The following NELL2 variants were observed in gnomAD, a reference collection of about 807,000 sequenced individuals.
NELL2 encodes the protein neural EGFL like 2.
A neutral mutation model predicts 109.6 loss-of-function variants in NELL2; 41 were observed. That is an observed-to-expected ratio of 0.37 (90% CI 0.29 to 0.49). The LOEUF (loss-of-function observed/expected upper bound fraction) is 0.49. Among genes scored for constraint, NELL2 ranks in the 20% least tolerant of loss-of-function variants. The pLI is 0.98. For missense variants in NELL2, 900 were observed against 1,008.3 expected, an observed-to-expected ratio of 0.89 and a Z score of 1.45; for synonymous variants, 355 against 344.7, an observed-to-expected ratio of 1.03 and a Z score of -0.33.
chr12:44,580,296 TG>T (rs1310768445), intron 15 of NELL2, among the ~76,000 whole-genome samples: 1 of 152,134 alleles, frequency 6.6e-6, no homozygotes, highest in African/African-American at 2.4e-5. Flanking sequence ...GAAAAAATGG[TG>T]TCTGTTGAGA....
At chr12:44,791,213 TATA>T in intron 3 of NELL2, among the ~76,000 whole-genome samples, 1 of 83,414 alleles carries the variant, frequency 1.2e-5, no homozygotes, top group Non-Finnish European at 2.5e-5. Context: ...TATATATATA[TATA>T]TATATATATA....
chr12:44,792,066 C>T (rs1010845258), intron 3 of NELL2, among the ~76,000 whole-genome samples: 7 of 151,972 alleles, frequency 4.6e-5, no homozygotes, highest in South Asian at 2.1e-4. Context: ...AGCCTCGTGA[C>T]GAGGATGGTG....
At chr12:44,614,172 T>C (rs1945732837) in intron 13 of NELL2, among the ~76,000 whole-genome samples, 1 of 152,030 alleles carries the variant, frequency 6.6e-6, no homozygotes, top group African/African-American at 2.4e-5. Context: ...TCATTGTTTA[T>C]ATGATATGAC....
intron 3 of NELL2, 140 bp downstream of exon 3, chr12:44,815,846 T>G (rs1943327054): frequency 1.2e-6 from 1 of 847,926 alleles, no homozygotes; most frequent in African/African-American, 1.8e-5. Context: ...CTTGAACTCC[T>G]GACCTCGTGA....
intron 12 of NELL2, among the ~76,000 whole-genome samples, chr12:44,685,347 A>G (rs1226054995): frequency 6.6e-6 from 1 of 152,014 alleles, no homozygotes; most frequent in Non-Finnish European, 1.5e-5. Flanking sequence ...CAGCACACTG[A>G]TGGGTCTTGA....
intron 1 of NELL2, among the ~76,000 whole-genome samples, chr12:44,882,833 CCT>C (rs1491196169): frequency 1.5e-5 from 2 of 131,936 alleles, no homozygotes; most frequent in African/African-American, 2.9e-5. Flanking sequence ...TGGCTATATA[CCT>C]TTTTTTTTTT....
intron 3 of NELL2, among the ~76,000 whole-genome samples, chr12:44,814,516 A>G (rs775077670): frequency 3.3e-5 from 5 of 152,212 alleles, no homozygotes; most frequent in Non-Finnish European, 7.3e-5. Flanking sequence ...CTCTCCCTGC[A>G]ACCAAAAACA....
At chr12:44,571,094 T>C (rs997057011) in intron 15 of NELL2, among the ~76,000 whole-genome samples, 1 of 152,138 alleles carries the variant, frequency 6.6e-6, no homozygotes, top group Non-Finnish European at 1.5e-5. Context: ...TAGAATCTTA[T>C]AAAGAAGTTC....
At chr12:44,611,034 A>G (rs1485413787) in intron 13 of NELL2, 64 bp from the exon 14 acceptor site, 14 of 1,538,002 alleles carry the variant, frequency 9.1e-6, no homozygotes, top group African/African-American at 5.4e-5. Context: ...TTTAAACTAC[A>G]CCTTCAGTCT....
At chr12:44,526,324 A>G (rs1235678434) in intron 16 of NELL2, among the ~76,000 whole-genome samples, 1 of 152,236 alleles carries the variant, frequency 6.6e-6, no homozygotes, top group African/African-American at 2.4e-5. Flanking sequence ...GGAATGTACC[A>G]GACTCTGAGT....
chr12:44,719,160 G>C (rs1216035294), intron 9 of NELL2, among the ~76,000 whole-genome samples: 1 of 152,078 alleles, frequency 6.6e-6, no homozygotes, highest in African/African-American at 2.4e-5. Flanking sequence ...CAGCAAATAG[G>C]AGCCAAGAGA....
At chr12:44,677,058 C>T (rs745371137) in intron 12 of NELL2, among the ~76,000 whole-genome samples, 2 of 151,994 alleles carry the variant, frequency 1.3e-5, no homozygotes, top group Non-Finnish European at 2.9e-5. Context: ...CCCAGTCTTA[C>T]AAACAGGGAG....
At chr12:44,767,169 G>A (rs7314804) in intron 9 of NELL2, among the ~76,000 whole-genome samples, 34,157 of 152,054 alleles carry the variant, frequency 0.22, 4,061 homozygotes, top group South Asian at 0.28. Flanking sequence ...AAGATGCAGA[G>A]CAGCAATTAA....
At chr12:44,747,126 G>A (rs552646468) in intron 9 of NELL2, among the ~76,000 whole-genome samples, 3 of 152,192 alleles carry the variant, frequency 2.0e-5, no homozygotes, top group East Asian at 3.9e-4. Flanking sequence ...GCCATAAAAC[G>A]TGATGAGTTC....
chr12:44,555,359 C>T (rs1943209324), intron 15 of NELL2, among the ~76,000 whole-genome samples: 1 of 152,180 alleles, frequency 6.6e-6, no homozygotes, highest in Non-Finnish European at 1.5e-5. Flanking sequence ...CTTACCATCT[C>T]CAGCTCTCTT....
chr12:44,636,937 A>T (rs1047372351), intron 13 of NELL2, among the ~76,000 whole-genome samples: 1 of 151,884 alleles, frequency 6.6e-6, no homozygotes, highest in African/African-American at 2.4e-5. Flanking sequence ...AGACCTTGTT[A>T]TTGTTATATT....
rs34038469 is a variant in NELL2 at position 44,868,119 on chromosome 12, CAAAAAAAA to C, written c.184+7098_184+7105del. On this transcript the variant is annotated intron_variant, in intron 2 of 19. Coordinates refer to ENST00000429094, the MANE Select transcript of NELL2 (RefSeq NM_001145108.2). ...TAGGTGAAACAGTGAGGCTCCATCT[CAAAAAAAA>C]AAAAAAAAAAAAAAAATGAACTACC... Among the ~76,000 whole-genome samples, 8 of 64,654 alleles carry C rather than the reference CAAAAAAAA, an allele frequency of 1.2e-4. No homozygotes were observed. In the Admixed American group the frequency reaches 1.5e-3, roughly 12 times the overall value. The allele number at this position is 64,654 out of a possible 152,430, so 42.4% of individuals were successfully genotyped here.
intron 1 of NELL2, 104 bp from the exon 2 acceptor site, chr12:44,875,457 G>C: frequency 6.2e-7 from 1 of 1,613,868 alleles, no homozygotes; most frequent in Non-Finnish European, 8.5e-7. Context: ...CGACAATATT[G>C]GGAACTGAAG....
intron 9 of NELL2, among the ~76,000 whole-genome samples, chr12:44,725,125 A>G (rs1278929425): frequency 6.6e-6 from 1 of 152,016 alleles, no homozygotes; most frequent in African/African-American, 2.4e-5. Flanking sequence ...ACTCAGGATG[A>G]ATTAAAGACT....
Sources: gnomAD v4.1 joint callset for allele counts (sites outside exome capture counted in the v4.1 genomes callset) on GRCh38, gnomAD v4.1.1 for gene constraint, MANE v1.5 for transcripts, NCBI Gene and HGNC (gene_info 2026-07-23, HGNC 2026-07-21) for gene names.